Variants in FARS2 observed in about 807,000 individuals in gnomAD.
FARS2 encodes the protein phenylalanyl-tRNA synthetase 2, mitochondrial.
A neutral mutation model predicts 46.4 loss-of-function variants in FARS2; 40 were observed. That is an observed-to-expected ratio of 0.86 (90% CI 0.67 to 1.12). The LOEUF is 1.12. Among genes scored for constraint, FARS2 ranks in the 50% most tolerant of loss-of-function variants. The pLI is 0.00. For synonymous variants in FARS2, 234 were observed against 214.9 expected, an observed-to-expected ratio of 1.09 and a Z score of -0.78; for missense variants, 513 against 567.9, an observed-to-expected ratio of 0.90 and a Z score of 0.98.
intron 2 of FARS2, among the ~76,000 whole-genome samples, chr6:5,385,783 C>T (rs1760091523): frequency 6.6e-6 from 1 of 152,088 alleles, no homozygotes; most frequent in African/African-American, 2.4e-5. Flanking sequence ...TCTTATTTCT[C>T]TGTATGTGAA....
At position 5,286,512 on chromosome 6, in the gene FARS2, G is replaced by A. The variant is rs149949618; in HGVS notation, c.-22+24852G>A. On this transcript the variant is annotated intron_variant, in intron 1 of 6. Coordinates refer to ENST00000274680, the MANE Select transcript of FARS2 (RefSeq NM_006567.5). ...GGGCTGAAGTGATTTGCCTGCCTCG[G>A]TCTCCCAGACTGCTAGGATCATAGG... Among the ~76,000 whole-genome samples the A allele has an allele frequency of 4.0e-3, 610 of 152,262 alleles. 2 individuals are homozygous for A. The highest frequency in any genetic ancestry group is 6.8e-3 in the Middle Eastern group (2 of 292).
intron 5 of FARS2, among the ~76,000 whole-genome samples, chr6:5,600,649 T>C (rs1055649464): frequency 1.3e-5 from 2 of 152,236 alleles, no homozygotes; most frequent in Non-Finnish European, 2.9e-5. Flanking sequence ...TAGGTAAAGC[T>C]GATTTTTAAG....
At chr6:5,485,447 A>T (rs1766716492) in intron 4 of FARS2, among the ~76,000 whole-genome samples, 1 of 146,076 alleles carries the variant, frequency 6.8e-6, no homozygotes, top group African/African-American at 2.5e-5. Context: ...TTCTCACATG[A>T]TGCAGTTCTT....
intron 4 of FARS2, among the ~76,000 whole-genome samples, chr6:5,542,686 T>C (rs977639965): frequency 6.6e-6 from 1 of 152,234 alleles, no homozygotes; most frequent in African/African-American, 2.4e-5. Flanking sequence ...ATTGGTTTAT[T>C]GTAAAAAACT....
At chr6:5,399,171 T>TCC (rs1562011846) in intron 2 of FARS2, among the ~76,000 whole-genome samples, 1 of 93,048 alleles carries the variant, frequency 1.1e-5, no homozygotes, top group African/African-American at 4.2e-5. Flanking sequence ...TTATTATTAT[T>TCC]ATTATCATCA....
rs1561824493 is a variant in FARS2, at chr6:5,727,787, C to G, written c.1218-43504C>G. On this transcript the variant is annotated intron_variant, in intron 6 of 6. Coordinates refer to ENST00000274680, the MANE Select transcript of FARS2 (RefSeq NM_006567.5). The surrounding 1 kb of genome is among the most constrained non-coding windows in gnomAD (Gnocchi z 4.1). ...CAGCTCAAAACACTTCCTCGAGCTT[C>G]TATACATTCTGCTCGTTGCCATGTG... is the stretch of plus-strand genomic sequence containing the variant. Among the ~76,000 whole-genome samples the G allele has an allele frequency of 6.6e-6, 1 of 152,218 alleles. No homozygotes were observed. The highest frequency in any genetic ancestry group is 6.5e-5 in the Admixed American group (1 of 15,286).
chr6:5,717,363 G>GTGTA (rs1478414705), intron 6 of FARS2, among the ~76,000 whole-genome samples: 1 of 151,212 alleles, frequency 6.6e-6, no homozygotes, highest in Non-Finnish European at 1.5e-5. Context: ...GTGTGTGTGT[G>GTGTA]TGTGTGTGTG....
intron 5 of FARS2, among the ~76,000 whole-genome samples, chr6:5,588,136 G>A (rs1582517835): frequency 6.6e-6 from 1 of 151,968 alleles, no homozygotes. Flanking sequence ...TCTACCCCAA[G>A]GCAGCCATAT....
chr6:5,616,758 G>A (rs952662377), intron 6 of FARS2, among the ~76,000 whole-genome samples: 7 of 152,156 alleles, frequency 4.6e-5, no homozygotes, highest in Non-Finnish European at 8.8e-5. Context: ...TGGAATCAGG[G>A]ATTTGGAATT....
intron 6 of FARS2, among the ~76,000 whole-genome samples, chr6:5,708,728 A>G (rs1758921788): frequency 6.6e-6 from 1 of 151,910 alleles, no homozygotes; most frequent in Non-Finnish European, 1.5e-5. Flanking sequence ...TGGCACTATC[A>G]TAGCTCACTG....
chr6:5,262,488 A>T (rs1391743543), intron 1 of FARS2, among the ~76,000 whole-genome samples: 1 of 152,118 alleles, frequency 6.6e-6, no homozygotes, highest in Non-Finnish European at 1.5e-5. Flanking sequence ...CATGTTGGTC[A>T]GGCTGGTCTC....
chr6:5,603,538 G>T (rs1311382419), intron 5 of FARS2, among the ~76,000 whole-genome samples: 1 of 152,194 alleles, frequency 6.6e-6, no homozygotes, highest in African/African-American at 2.4e-5. Flanking sequence ...CAAGGTGTTG[G>T]CAGGGTTGAT....
chr6:5,721,141 T>A (rs1228191828), intron 6 of FARS2, among the ~76,000 whole-genome samples: 3 of 152,230 alleles, frequency 2.0e-5, no homozygotes, highest in African/African-American at 4.8e-5. Flanking sequence ...CCATTGCATA[T>A]TAACCTAATA....
intron 2 of FARS2, among the ~76,000 whole-genome samples, chr6:5,399,223 A>T (rs2911723): frequency 6.7e-6 from 1 of 148,240 alleles, no homozygotes; most frequent in African/African-American, 2.5e-5. Flanking sequence ...TGCCCAGGCT[A>T]GAGTACAGTG....
intron 4 of FARS2, among the ~76,000 whole-genome samples, chr6:5,508,505 ATCT>A (rs10543057): frequency 0.16 from 24,575 of 150,710 alleles, 2,094 homozygotes; most frequent in African/African-American, 0.23. Flanking sequence ...TTAGCAGGAG[ATCT>A]TCTTGGGGAA....
At chr6:5,597,363 C>T (rs1403050837) in intron 5 of FARS2, among the ~76,000 whole-genome samples, 1 of 152,170 alleles carries the variant, frequency 6.6e-6, no homozygotes, top group Non-Finnish European at 1.5e-5. Context: ...GCTCCTGGTG[C>T]ACAGTGCCAC....
chr6:5,334,003 G>C (rs536512898), intron 1 of FARS2, among the ~76,000 whole-genome samples: 1 of 152,120 alleles, frequency 6.6e-6, no homozygotes, highest in Non-Finnish European at 1.5e-5. Context: ...CTGTCCTCTT[G>C]TTAATCATAT....
intron 6 of FARS2, among the ~76,000 whole-genome samples, chr6:5,642,276 C>T (rs1025638724): frequency 6.6e-6 from 1 of 152,084 alleles, no homozygotes; most frequent in Non-Finnish European, 1.5e-5. Flanking sequence ...CTCTAGGGCA[C>T]TATAAAGGTA....
intron 4 of FARS2, among the ~76,000 whole-genome samples, chr6:5,530,788 A>G (rs1388080802): frequency 1.4e-5 from 2 of 147,066 alleles, no homozygotes; most frequent in African/African-American, 2.5e-5. Context: ...TGTATAATAT[A>G]GAACTATATA....
Sources: gnomAD v4.1 joint callset for allele counts (sites outside exome capture counted in the v4.1 genomes callset) on GRCh38, gnomAD v4.1.1 for gene constraint, Gnocchi (gnomAD v3.1) non-coding constraint, MANE v1.5 for transcripts, NCBI Gene and HGNC (gene_info 2026-07-23, HGNC 2026-07-21) for gene names.